Variants in SPAG16 observed in about 807,000 individuals in gnomAD.
SPAG16 encodes sperm associated antigen 16.
SPAG16 carries 86 observed loss-of-function variants against 80.4 expected under a neutral mutation model. The observed-to-expected ratio is 1.07, with a 90% CI of 0.90 to 1.28. The LOEUF (loss-of-function observed/expected upper bound fraction) is 1.28. SPAG16 is among the 50% of genes most tolerant of loss of function. The pLI, the probability that SPAG16 is intolerant of heterozygous loss-of-function variation, is 0.00. For synonymous variants in SPAG16, 294 were observed against 265.9 expected (o/e 1.11, Z -1.03); for missense variants, 870 against 765.3 (o/e 1.14, Z -1.61).
chr2:213,383,679 A>G (rs149737163), intron 9 of SPAG16, among the ~76,000 whole-genome samples: 14 of 152,318 alleles, frequency 9.2e-5, no homozygotes, highest in African/African-American at 1.2e-4. Flanking sequence ...GTCAAAACAT[A>G]TAAGACATGA....
At chr2:213,699,120 C>T (rs2065289612) in intron 10 of SPAG16, among the ~76,000 whole-genome samples, 1 of 152,152 alleles carries the variant, frequency 6.6e-6, no homozygotes, top group Admixed American at 6.5e-5. Context: ...CACAGCCCAC[C>T]ATTGCCACCC....
chr2:214,329,959 G>T (rs1696787286), intron 15 of SPAG16, among the ~76,000 whole-genome samples: 1 of 152,136 alleles, frequency 6.6e-6, no homozygotes, highest in Non-Finnish European at 1.5e-5. Context: ...AGGCCAGAAA[G>T]TAGGCAATTT....
intron 15 of SPAG16, among the ~76,000 whole-genome samples, chr2:214,294,429 C>T (rs2052442): frequency 0.36 from 54,749 of 152,020 alleles, 10,164 homozygotes; most frequent in East Asian, 0.54. Context: ...TTATAGATGA[C>T]TCATTTGAAC....
intron 10 of SPAG16, among the ~76,000 whole-genome samples, chr2:213,727,279 C>G (rs1465694208): frequency 6.6e-6 from 1 of 152,066 alleles, no homozygotes; most frequent in Non-Finnish European, 1.5e-5. Context: ...GCAAAAGAAC[C>G]TCCCTTCCTG....
intron 14 of SPAG16, among the ~76,000 whole-genome samples, chr2:214,108,471 A>C (rs998920765): frequency 3.8e-5 from 3 of 78,312 alleles, no homozygotes; most frequent in African/African-American, 1.6e-4. Flanking sequence ...ACACACACAC[A>C]CACACACACC....
At chr2:213,776,829 C>A (rs113184187) in intron 10 of SPAG16, among the ~76,000 whole-genome samples, 6 of 109,824 alleles carry the variant, frequency 5.5e-5, no homozygotes, top group East Asian at 3.6e-4. Context: ...CTATGCCACC[C>A]CCCCCCCACC....
intron 15 of SPAG16, chr2:214,281,139 C>T (rs1390082745): frequency 7.9e-6 from 3 of 377,380 alleles, no homozygotes; most frequent in African/African-American, 4.2e-5. Flanking sequence ...TATTGAGAAG[C>T]CTGTGGTCCA....
chr2:214,297,178 G>GT (rs1694194704), intron 15 of SPAG16, among the ~76,000 whole-genome samples: 1 of 152,108 alleles, frequency 6.6e-6, no homozygotes, highest in Non-Finnish European at 1.5e-5. Flanking sequence ...TTGTTGTTGA[G>GT]TTTTTTGAGT....
intron 13 of SPAG16, among the ~76,000 whole-genome samples, chr2:214,066,997 G>C (rs567065337): frequency 6.6e-6 from 1 of 152,248 alleles, no homozygotes; most frequent in South Asian, 2.1e-4. Context: ...TCTCTGGGGG[G>C]TTTTAGGAGA....
intron 15 of SPAG16, among the ~76,000 whole-genome samples, chr2:214,305,275 C>T (rs921176120): frequency 3.9e-5 from 6 of 152,018 alleles, no homozygotes; most frequent in African/African-American, 1.4e-4. Context: ...GTTATTAGAC[C>T]TTTGTCAGAT....
intron 9 of SPAG16, among the ~76,000 whole-genome samples, chr2:213,446,704 G>A (rs2071341626): frequency 6.6e-6 from 1 of 152,166 alleles, no homozygotes; most frequent in African/African-American, 2.4e-5. Flanking sequence ...CACCTGGATG[G>A]ATGCTCCTGC....
intron 10 of SPAG16, among the ~76,000 whole-genome samples, chr2:213,854,248 G>A (rs1260596223): frequency 6.6e-6 from 1 of 152,044 alleles, no homozygotes; most frequent in Non-Finnish European, 1.5e-5. Flanking sequence ...TCCTACCCAT[G>A]GTCTTTAAAA....
intron 11 of SPAG16, among the ~76,000 whole-genome samples, chr2:213,872,607 C>T (rs1454743036): frequency 1.2e-4 from 18 of 151,954 alleles, no homozygotes; most frequent in Non-Finnish European, 7.4e-5. Flanking sequence ...TGCTCTGGCT[C>T]GAACCTCCAG....
chr2:213,694,009 A>C (rs1384427740), intron 10 of SPAG16, among the ~76,000 whole-genome samples: 1 of 151,652 alleles, frequency 6.6e-6, no homozygotes, highest in African/African-American at 2.4e-5. Context: ...TAAATACTGA[A>C]ATGTACTTCA....
chr2:213,929,611 T>C (rs2078657557), intron 11 of SPAG16, among the ~76,000 whole-genome samples: 1 of 139,626 alleles, frequency 7.2e-6, no homozygotes, highest in Non-Finnish European at 1.6e-5. Flanking sequence ...TCTGAATCTT[T>C]ATTGTTCTGA....
At chr2:213,699,743 T>C (rs974077495) in intron 10 of SPAG16, among the ~76,000 whole-genome samples, 1 of 152,244 alleles carries the variant, frequency 6.6e-6, no homozygotes, top group Non-Finnish European at 1.5e-5. Flanking sequence ...CAGCTTTGTT[T>C]GTTAAATCTG....
At chr2:213,404,585 G>C (rs976802268) in intron 9 of SPAG16, among the ~76,000 whole-genome samples, 7 of 151,842 alleles carry the variant, frequency 4.6e-5, no homozygotes, top group Admixed American at 1.3e-4. Context: ...TTAAATGTTA[G>C]ACCTAAAACC....
intron 11 of SPAG16, among the ~76,000 whole-genome samples, chr2:213,885,614 A>G (rs2076525465): frequency 1.3e-5 from 2 of 152,162 alleles, no homozygotes; most frequent in Non-Finnish European, 2.9e-5. Context: ...ATTCCATCTT[A>G]AGGCAATGTG....
At chr2:214,396,850 T>C (rs1701415716) in intron 15 of SPAG16, among the ~76,000 whole-genome samples, 1 of 152,058 alleles carries the variant, frequency 6.6e-6, no homozygotes, top group Non-Finnish European at 1.5e-5. Context: ...TTTGAACATG[T>C]GCAAAGTTGC....
Sources: allele counts gnomAD v4.1 joint callset (sites outside exome capture counted in the v4.1 genomes callset), GRCh38; gene constraint gnomAD v4.1.1; transcripts MANE v1.5; gene names NCBI Gene and HGNC (gene_info 2026-07-23, HGNC 2026-07-21).